JARID2: variants seen among roughly 807,000 people sequenced by gnomAD.
JARID2 encodes the protein jumonji and AT-rich interaction domain containing 2.
In JARID2, 21 loss-of-function variants were observed where a neutral mutation model predicts 125.6. The ratio of observed to expected loss-of-function variants is 0.17; its 90% CI spans 0.12 to 0.24. The LOEUF (loss-of-function observed/expected upper bound fraction) is 0.24. Ranked by LOEUF, JARID2 falls within the 10% of genes least tolerant of loss-of-function variation. The pLI is 1.00. For missense variants in JARID2, 1,303 were observed against 1,639.6 expected (o/e 0.79, Z 3.55); for synonymous variants, 736 against 661.6 (o/e 1.11, Z -1.73).
At chr6:15,469,318 GTCTC>G (rs1212844795) in intron 5 of JARID2, among the ~76,000 whole-genome samples, 127 of 48,578 alleles carry the variant, frequency 2.6e-3, no homozygotes, top group African/African-American at 3.4e-3. Context: ...CTCTCTCTCT[GTCTC>G]TCTCTCTCTC....
intron 1 of JARID2, among the ~76,000 whole-genome samples, chr6:15,285,267 C>T (rs567684253): frequency 2.0e-5 from 3 of 151,900 alleles, no homozygotes; most frequent in African/African-American, 4.8e-5. Flanking sequence ...CCTGCCACCA[C>T]GCCCAGCTAA....
chr6:15,439,515 C>T (rs1311265326), intron 3 of JARID2, among the ~76,000 whole-genome samples: 3 of 152,200 alleles, frequency 2.0e-5, no homozygotes, highest in Non-Finnish European at 4.4e-5. Flanking sequence ...TTAAGCTGCA[C>T]TGAAGGAGGC....
chr6:15,348,871 G>T (rs1229094466), intron 1 of JARID2, among the ~76,000 whole-genome samples: 1 of 152,116 alleles, frequency 6.6e-6, no homozygotes, highest in Non-Finnish European at 1.5e-5. Context: ...AGGTGGAGGC[G>T]GATGAATTAA....
At chr6:15,468,828 A>T (rs749722769) in intron 5 of JARID2, 110 bp downstream of exon 5, 91 of 1,058,284 alleles carry the variant, frequency 8.6e-5, no homozygotes, top group Non-Finnish European at 1.2e-4. Context: ...CGTTCTGGGT[A>T]CTTCTCCAGG....
intron 3 of JARID2, among the ~76,000 whole-genome samples, chr6:15,440,206 C>T (rs960512112): frequency 2.6e-5 from 4 of 152,252 alleles, no homozygotes; most frequent in African/African-American, 9.6e-5. Flanking sequence ...CTGCCGCTGT[C>T]TACATATGTG....
intron 1 of JARID2, among the ~76,000 whole-genome samples, chr6:15,328,802 T>C (rs755128105): frequency 2.0e-5 from 3 of 152,232 alleles, no homozygotes; most frequent in African/African-American, 4.8e-5. Context: ...CATGTTAATA[T>C]GGCATGGGCT....
At chr6:15,450,341 TG>T (rs1295657684) in intron 3 of JARID2, among the ~76,000 whole-genome samples, 1 of 152,152 alleles carries the variant, frequency 6.6e-6, no homozygotes, top group Non-Finnish European at 1.5e-5. Context: ...GGCTAATTTT[TG>T]TATTTTTAGT....
intron 1 of JARID2, among the ~76,000 whole-genome samples, chr6:15,316,064 G>A (rs1046726446): frequency 1.3e-5 from 2 of 151,824 alleles, no homozygotes; most frequent in African/African-American, 2.4e-5. Flanking sequence ...CAACTAATAC[G>A]AAAAGTACCA....
At chr6:15,343,580 G>A (rs957907525) in intron 1 of JARID2, among the ~76,000 whole-genome samples, 8 of 152,196 alleles carry the variant, frequency 5.3e-5, no homozygotes, top group Non-Finnish European at 1.0e-4. Flanking sequence ...AGAGGCCTCT[G>A]CTAAGTGTGG....
intron 3 of JARID2, among the ~76,000 whole-genome samples, chr6:15,419,395 T>G (rs1288985439): frequency 6.6e-6 from 1 of 152,208 alleles, no homozygotes; most frequent in East Asian, 1.9e-4. Context: ...AAATATAAAG[T>G]AAATATGGGT....
intron 1 of JARID2, among the ~76,000 whole-genome samples, chr6:15,369,813 CAG>C (rs1279178653): frequency 6.6e-6 from 1 of 152,166 alleles, no homozygotes; most frequent in African/African-American, 2.4e-5. Context: ...GGGAGTGTGA[CAG>C]AGTTGTTACA....
At chr6:15,497,633 AG>A (rs1770521173) in intron 7 of JARID2, among the ~76,000 whole-genome samples, 1 of 128,784 alleles carries the variant, frequency 7.8e-6, no homozygotes, top group African/African-American at 3.2e-5. Context: ...CCTGGGTGAC[AG>A]AGTGAGATTC....
chr6:15,359,102 T>TG (rs1763702639), intron 1 of JARID2, among the ~76,000 whole-genome samples: 1 of 152,220 alleles, frequency 6.6e-6, no homozygotes, highest in African/African-American at 2.4e-5. Context: ...TTCTAGGAAA[T>TG]GCAGTGAAGA....
At chr6:15,383,576 G>T (rs956692347) in intron 2 of JARID2, among the ~76,000 whole-genome samples, 1 of 151,942 alleles carries the variant, frequency 6.6e-6, no homozygotes, top group Admixed American at 6.6e-5. Context: ...TGTCTAAAAG[G>T]TTTGTCTCCA....
intron 3 of JARID2, among the ~76,000 whole-genome samples, chr6:15,418,611 C>A (rs986531845): frequency 1.3e-5 from 2 of 152,114 alleles, no homozygotes; most frequent in African/African-American, 2.4e-5. Flanking sequence ...ACAGAAGTAC[C>A]GACTCTGTCT....
intron 5 of JARID2, among the ~76,000 whole-genome samples, chr6:15,469,733 G>A (rs1768979394): frequency 1.3e-5 from 2 of 152,054 alleles, no homozygotes; most frequent in South Asian, 2.1e-4. Context: ...AATGCACAGC[G>A]AGGTTGTAAT....
chr6:15,513,563 G>A (rs532583648), intron 16 of JARID2, 141 bp downstream of exon 16: 4 of 838,002 alleles, frequency 4.8e-6, no homozygotes, highest in East Asian at 5.6e-5. Flanking sequence ...GTGGGACCTC[G>A]GCGGAGCTTC....
At chr6:15,313,774 A>C (rs1762091783) in intron 1 of JARID2, among the ~76,000 whole-genome samples, 1 of 152,240 alleles carries the variant, frequency 6.6e-6, no homozygotes, top group Non-Finnish European at 1.5e-5. Context: ...TTATTAGAAA[A>C]TGAATTTCTT....
intron 3 of JARID2, among the ~76,000 whole-genome samples, chr6:15,423,204 T>G (rs573029493): frequency 2.4e-4 from 37 of 152,198 alleles, no homozygotes; most frequent in African/African-American, 8.9e-4. Flanking sequence ...TTCACCATGT[T>G]GCTCAGGCTG....
Sources: allele counts gnomAD v4.1 joint callset (sites outside exome capture counted in the v4.1 genomes callset), GRCh38; gene constraint gnomAD v4.1.1; transcripts MANE v1.5; gene names NCBI Gene and HGNC (gene_info 2026-07-23, HGNC 2026-07-21).